Variants in LAMA1 observed in about 807,000 individuals in gnomAD.
LAMA1 encodes laminin subunit alpha-1.
A neutral mutation model predicts 348.7 loss-of-function variants in LAMA1; 219 were observed. That is an observed-to-expected ratio of 0.63 (90% CI 0.56 to 0.70). LAMA1 has a LOEUF of 0.70. Among genes scored for constraint, LAMA1 ranks in the 30% least tolerant of loss-of-function variants. The pLI, the probability that LAMA1 is intolerant of heterozygous loss-of-function variation, is 0.00. For missense variants in LAMA1, 3,744 were observed against 3,888.0 expected (o/e 0.96, Z 0.99); for synonymous variants, 1,487 against 1,491.0 (o/e 1.00, Z 0.06).
chr18:6,998,230 T>A (rs568821644), intron 32 of LAMA1, among the ~76,000 whole-genome samples: 6 of 152,176 alleles, frequency 3.9e-5, no homozygotes, highest in African/African-American at 1.4e-4. Context: ...GAAACAACTA[T>A]GAGCAAGCAT....
Position 7,072,066 on chromosome 18 carries a change from T to C in LAMA1, c.345+7909A>G, listed in dbSNP as rs538875019. On this transcript the variant is annotated intron_variant, in intron 3 of 62. Coordinates refer to ENST00000389658, the MANE Select transcript of LAMA1 (RefSeq NM_005559.4). ...CGAAGAGATGATGTGTTTCTGCCTG[T>C]TTACACTTATCTTATCTTCCATTTT... is the stretch of plus-strand genomic sequence containing the variant. Among the ~76,000 whole-genome samples, 34 of 149,236 alleles carry C rather than the reference T, an allele frequency of 2.3e-4. No individual in the cohort carries two copies. In the East Asian group the frequency reaches 4.8e-3, roughly 21 times the overall value.
intron 53 of LAMA1, chr18:6,959,766 T>C: frequency 2.5e-6 from 1 of 405,234 alleles, no homozygotes; most frequent in East Asian, 5.5e-5. Flanking sequence ...CTACATTAGA[T>C]ACCAATAAGT....
chr18:6,988,766 C>T (rs930077939), intron 36 of LAMA1, among the ~76,000 whole-genome samples: 1 of 142,498 alleles, frequency 7.0e-6, no homozygotes, highest in African/African-American at 2.7e-5. Flanking sequence ...AAGATCGCAC[C>T]ACTGAACCCC....
At chr18:6,974,455 C>CT (rs1213269695) in intron 46 of LAMA1, among the ~76,000 whole-genome samples, 5,829 of 128,210 alleles carry the variant, frequency 0.045, 397 homozygotes, top group African/African-American at 0.14. Context: ...TATTTCTTTT[C>CT]TTTTTTTTTT....
At chr18:6,953,812 G>A (rs988712755) in intron 57 of LAMA1, 23 of 152,336 alleles carry the variant, frequency 1.5e-4, no homozygotes, top group African/African-American at 4.1e-4. Flanking sequence ...GGGTGACAGC[G>A]GCATCTGTGT....
chr18:6,985,527 C>T lies in LAMA1; in HGVS notation c.5496G>A (p.Glu1832=), dbSNP rs1255043761. ...GTGGCTGTGCTGAGATGTAATTTAC[C>T]TCTAGAGCATCTTGTACAGCATCTG... ...AQTDAVQDAL[E]HLEDHQDKLL... Residue 1832 remains glutamate (E), a splice_region_variant and synonymous_variant, in exon 38 of 63, where the codon GAG becomes GAA. Coordinates refer to ENST00000389658, the MANE Select transcript of LAMA1 (RefSeq NM_005559.4). The T allele has an allele frequency of 2.5e-6, 4 of 1,612,592 alleles. No homozygotes were observed. The highest frequency in any genetic ancestry group is 1.3e-5 in the African/African-American group (1 of 74,912).
At chr18:7,108,271 G>A (rs1356550045) in intron 1 of LAMA1, among the ~76,000 whole-genome samples, 1 of 152,002 alleles carries the variant, frequency 6.6e-6, no homozygotes, top group East Asian at 1.9e-4. Context: ...GGGAGGCAGA[G>A]GTTTCTGTGA....
At chr18:6,984,607 C>A (rs1043195665) in intron 39 of LAMA1, among the ~76,000 whole-genome samples, 1 of 152,174 alleles carries the variant, frequency 6.6e-6, no homozygotes, top group African/African-American at 2.4e-5. Context: ...TTCCAATGTG[C>A]AGACAAGTTT....
intron 15 of LAMA1, among the ~76,000 whole-genome samples, 190 bp downstream of exon 15, chr18:7,032,794 A>G (rs2057976425): frequency 6.6e-6 from 1 of 152,216 alleles, no homozygotes; most frequent in Non-Finnish European, 1.5e-5. Context: ...GCTCCAGCCC[A>G]TTCCTGGTGG....
At chr18:6,991,389 CTT>C (rs34001050) in intron 36 of LAMA1, among the ~76,000 whole-genome samples, 2,962 of 118,320 alleles carry the variant, frequency 0.025, 27 homozygotes, top group Middle Eastern at 0.061. Flanking sequence ...ACTTCTTCTT[CTT>C]TTTTTTTTTT....
chr18:7,038,814 C>A lies in LAMA1; in HGVS notation c.1559G>T (p.Gly520Val). Residue 520 changes from glycine (G) to valine (V), a missense_variant, in exon 11 of 63, where the codon GGT (glycine) becomes GTT (valine). This residue lies in a region of LAMA1 where 1,529 missense variants were observed against 1,689.4 expected (regional missense o/e 0.91). Transcript: ENST00000389658. ...DVCSSLSWPV[G>V]QVNSMSGWLV... is the part of the protein sequence containing the mutation. ...CGCGCAGATGGCGCCTCCCACCTGA[C>A]CAACAGGCCAAGAGAGGCTGCTGCA... 1.2e-6 allele frequency: 2 copies of A among 1,614,122 alleles called. No homozygotes were observed. The highest frequency in any genetic ancestry group is 1.7e-6 in the Non-Finnish European group (2 of 1,180,030).
At chr18:7,046,732 T>C (rs2058043178) in intron 5 of LAMA1, among the ~76,000 whole-genome samples, 1 of 152,198 alleles carries the variant, frequency 6.6e-6, no homozygotes, top group African/African-American at 2.4e-5. Flanking sequence ...GAATGCAAAG[T>C]TAATCTACCA....
intron 5 of LAMA1, among the ~76,000 whole-genome samples, chr18:7,047,909 A>G (rs1182294528): frequency 6.6e-6 from 1 of 152,228 alleles, no homozygotes; most frequent in Non-Finnish European, 1.5e-5. Flanking sequence ...TAGATGTAAA[A>G]GCTAAAACTA....
In LAMA1 at chr18:7,038,851, C is replaced by G. The variant is rs543523583; in HGVS notation, c.1522G>C (p.Val508Leu). Residue 508 changes from valine (V) to leucine (L), a missense_variant, in exon 11 of 63, where the codon GTT becomes CTT. Transcript: ENST00000389658. ...GAGAGGCTGCTGCAGACATCAGAAA[C>G]GCCAAAGCAGAAGCACTCGGAGCAG... ...RGCSECFCFG[V>L]SDVCSSLSWP... 1 of 1,614,202 alleles carries G rather than the reference C, an allele frequency of 6.2e-7. No homozygotes were observed. The highest frequency in any genetic ancestry group is 8.5e-7 in the Non-Finnish European group (1 of 1,180,046).
Position 6,964,711 on chromosome 18 carries a change from C to G in LAMA1, c.7288G>C (p.Asp2430His). 1 of 1,614,126 alleles carries G rather than the reference C, an allele frequency of 6.2e-7. No individual in the cohort carries two copies. Residue 2430 changes from aspartate (D) to histidine (H), a missense_variant, in exon 51 of 63, where the codon GAC (aspartate) becomes CAC (histidine). Asp to His is a moderately conservative substitution (Grantham distance 81). This residue lies in a region of LAMA1 where 1,983 missense variants were observed against 1,934.3 expected (regional missense o/e 1.03). Coordinates refer to ENST00000389658, the MANE Select transcript of LAMA1 (RefSeq NM_005559.4). ...CCACCCACATAAATCGGGTCCTTGT[C>G]TAGGCGGTTGAGGTCAGAAGATGCT... ...PGASSDLNRL[D>H]KDPIYVGGLP... is the part of the protein sequence containing the mutation.
In LAMA1 at chr18:7,026,009, C is replaced by T. The variant is rs138065938; in HGVS notation, c.2372G>A (p.Cys791Tyr). The T allele has an allele frequency of 6.2e-7, 1 of 1,609,324 alleles. No individual in the cohort carries two copies. Among genetic ancestry groups the T allele is most frequent in the Non-Finnish European group, 8.5e-7 (1 of 1,177,882 alleles). Residue 791 changes from cysteine to tyrosine, a missense_variant, in exon 17 of 63, where the codon TGC becomes TAC. By Grantham distance (194) the Cys-to-Tyr change is radical (BLOSUM62 -2). This residue lies in a region of LAMA1 where 1,529 missense variants were observed against 1,689.4 expected (regional missense o/e 0.91). Coordinates refer to ENST00000389658, the MANE Select transcript of LAMA1 (RefSeq NM_005559.4). ...SRGTPGDCQP[C>Y]ACPLTIASNN... is the part of the protein sequence containing the mutation. ...GGAGGCTATGGTGAGAGGGCAGGCG[C>T]AGGGCTGGCAGTCCCCAGGTGTCCC... is the stretch of plus-strand genomic sequence containing the variant.
intron 3 of LAMA1, among the ~76,000 whole-genome samples, chr18:7,065,084 T>C (rs1384452545): frequency 6.6e-6 from 1 of 151,870 alleles, no homozygotes; most frequent in Non-Finnish European, 1.5e-5. Flanking sequence ...ATACAAAAAA[T>C]TAGCCAGGCA....
chr18:6,950,804 A>T lies in LAMA1; in HGVS notation c.8375T>A (p.Leu2792His), dbSNP rs1390546142. 3 of 1,613,940 alleles carry T rather than the reference A, an allele frequency of 1.9e-6. No individual in the cohort carries two copies. The highest frequency in any genetic ancestry group is 2.5e-6 in the Non-Finnish European group (3 of 1,179,988). The change falls in exon 58 of 63, where the codon CTC becomes CAC. Residue 2792 changes from leucine to histidine, a missense_variant. Around this residue, in one of 3 missense-constraint regions of LAMA1, gnomAD observed 1,983 missense variants for 1,934.3 expected, o/e 1.03. Coordinates refer to ENST00000389658, the MANE Select transcript of LAMA1 (RefSeq NM_005559.4). ...TACCGTGTGCCACTTGCCATCACTG[A>T]GCAGTGCAGGGTGAGAGACCTTTGT... ...GRTKVSHPAL[L>H]SDGKWHTVKT...
At chr18:7,015,039 G>A (rs756809998) in intron 22 of LAMA1, among the ~76,000 whole-genome samples, 3 of 151,932 alleles carry the variant, frequency 2.0e-5, no homozygotes, top group Non-Finnish European at 2.9e-5. Context: ...TAGTAGAGAC[G>A]GGGTTTCACC....
Sources: allele counts gnomAD v4.1 joint callset (sites outside exome capture counted in the v4.1 genomes callset), GRCh38; gene constraint gnomAD v4.1.1; regional missense constraint gnomAD v4.1.1; transcripts MANE v1.5; gene names NCBI Gene and HGNC (gene_info 2026-07-23, HGNC 2026-07-21).